The following ITPKC variants were observed in gnomAD, a reference collection of about 807,000 sequenced individuals.
ITPKC encodes the protein IP3 3-kinase C.
Under a neutral mutation model 67.1 loss-of-function variants are expected in ITPKC, and 33 were observed. The observed-to-expected ratio is 0.49, with a 90% CI of 0.37 to 0.66. ITPKC has a LOEUF of 0.66. ITPKC is among the 30% of genes least tolerant of loss of function. The pLI, the probability that ITPKC is intolerant of heterozygous loss-of-function variation, is 0.00. For missense variants in ITPKC, 820 were observed against 892.1 expected (o/e 0.92, Z 1.03); for synonymous variants, 341 against 359.8 (o/e 0.95, Z 0.59).
At position 40,739,625 on chromosome 19, in the gene ITPKC, A is replaced by G. The variant is rs1334041014; in HGVS notation, c.*65A>G. On this transcript the variant is annotated 3_prime_UTR_variant, in exon 7 of 7. Transcript: ENST00000263370. ...CTGGCTGGAGGAGCCCTGAGATGCC[A>G]TGGGAGGCCTGAGGTTGGCCACGGG... 42 of 1,469,314 alleles carry G rather than the reference A, an allele frequency of 2.9e-5. No individual in the cohort carries two copies. The Admixed American group carries it at 7.5e-4, about 26-fold the overall frequency. 91.0% of individuals were successfully genotyped at this position (1,469,314 alleles called of 1,614,324 possible).
chr19:40,720,721 C>T (rs1016860107), intron 1 of ITPKC, among the ~76,000 whole-genome samples: 1 of 152,084 alleles, frequency 6.6e-6, no homozygotes, highest in Non-Finnish European at 1.5e-5. Flanking sequence ...CTGACCCCCT[C>T]TGCTGTAACT....
intron 1 of ITPKC, among the ~76,000 whole-genome samples, chr19:40,720,183 T>C (rs1380151769): frequency 1.3e-5 from 2 of 151,620 alleles, no homozygotes; most frequent in Non-Finnish European, 2.9e-5. Context: ...CTGGCCAACA[T>C]GATGAAACCC....
At chr19:40,726,344 C>G (rs2082246596) in intron 2 of ITPKC, among the ~76,000 whole-genome samples, 1 of 152,162 alleles carries the variant, frequency 6.6e-6, no homozygotes, top group African/African-American at 2.4e-5. Context: ...TAAGTAGCAG[C>G]TGTAACATTT....
At chr19:40,729,452 C>A in intron 3 of ITPKC, 37 bp downstream of exon 3, 2 of 1,553,948 alleles carry the variant, frequency 1.3e-6, no homozygotes, top group Non-Finnish European at 1.8e-6. Context: ...GGATGGAGGG[C>A]AGGGGGTGGG....
At chr19:40,725,023 C>T (rs1028020088) in intron 1 of ITPKC, among the ~76,000 whole-genome samples, 3 of 150,704 alleles carry the variant, frequency 2.0e-5, no homozygotes. Context: ...TAAACCACAA[C>T]AAAACCTAGC....
Position 40,717,202 on chromosome 19 carries a change from C to G in ITPKC, c.67C>G (p.Arg23Gly). Residue 23 changes from arginine to glycine, a missense_variant, in exon 1 of 7, where the codon CGC becomes GGC. Physicochemically the swap from Arg to Gly is moderately radical, Grantham distance 125 (BLOSUM62 -2). Coordinates refer to ENST00000263370, the MANE Select transcript of ITPKC (RefSeq NM_025194.3). ...GGCCGGGGCGCTGCCCGCGGCGGCC[C>G]GCATGGGACTGGAGGCGCCGCGAGG... ...AEAGALPAAA[R>G]MGLEAPRGGR... 3 of 1,224,436 alleles carry G rather than the reference C, an allele frequency of 2.5e-6. No homozygotes were observed. Among genetic ancestry groups the G allele is most frequent in the East Asian group, 3.2e-5 (1 of 31,210 alleles). 75.8% of individuals were successfully genotyped at this position (1,224,436 alleles called of 1,614,324 possible).
In ITPKC at chr19:40,740,709, G is replaced by A; in HGVS notation, c.*1149G>A. The A allele has an allele frequency of 2.8e-6, 1 of 358,080 alleles. No individual in the cohort carries two copies. The highest frequency in any genetic ancestry group is 5.0e-6 in the Non-Finnish European group (1 of 199,862). The allele number at this position is 358,080 out of a possible 1,614,324, so 22.2% of individuals were successfully genotyped here. ...TCCCACACTGTCTTCCAGGGCTGAG[G>A]AGATGCTCTCCTTTTCTACTGACCA... On this transcript the variant is annotated 3_prime_UTR_variant, in exon 7 of 7. Coordinates refer to ENST00000263370, the MANE Select transcript of ITPKC (RefSeq NM_025194.3).
intron 5 of ITPKC, 124 bp from the exon 6 acceptor site, chr19:40,737,574 C>G: frequency 1.2e-6 from 1 of 806,376 alleles, no homozygotes. Context: ...CCCCATGGCT[C>G]CCCTATTCCA....
chr19:40,717,345 G>T lies in ITPKC; in HGVS notation c.210G>T (p.Glu70Asp), dbSNP rs754445191. 3.0e-5 allele frequency: 49 copies of T among 1,609,132 alleles called. No homozygotes were observed. Among genetic ancestry groups the T allele is most frequent in the Non-Finnish European group, 5.9e-6 (7 of 1,178,814 alleles). Residue 70 changes from glutamate (E) to aspartate (D), a missense_variant, in exon 1 of 7, where the codon GAG (glutamate) becomes GAT (aspartate). Transcript: ENST00000263370. ...ARTEGSSLHS[E>D]PERAGLGPAP... The stretch of plus-strand genomic sequence containing the variant: ...CAGAGGGGTCCAGCCTCCACAGCGA[G>T]CCTGAGAGGGCCGGCCTCGGGCCTG...
Position 40,719,942 on chromosome 19 carries a change from CT to C in ITPKC, c.1155+1664del, listed in dbSNP as rs960899182. Among the ~76,000 whole-genome samples, 1,161 of 143,300 alleles carry C rather than the reference CT, an allele frequency of 8.1e-3. 7 individuals are homozygous for C. The highest frequency in any genetic ancestry group is 8.9e-3 in the Non-Finnish European group (575 of 64,880). The allele number at this position is 143,300 out of a possible 152,430, so 94.0% of individuals were successfully genotyped here. ...CAGACACTGTTTTAAGTTTTTTCTT[CT>C]TTTTTTTTTTTAGTCTTTTTTGTCA... On this transcript the variant is annotated intron_variant, in intron 1 of 6. Coordinates refer to ENST00000263370, the MANE Select transcript of ITPKC (RefSeq NM_025194.3).
Position 40,733,324 on chromosome 19 carries a change from G to A in ITPKC, c.1634G>A (p.Ser545Asn). 1.2e-6 allele frequency: 2 copies of A among 1,613,444 alleles called. No homozygotes were observed. Among genetic ancestry groups the A allele is most frequent in the Non-Finnish European group, 1.7e-6 (2 of 1,179,718 alleles). Residue 545 changes from serine to asparagine, a missense_variant, in exon 4 of 7, where the codon AGC (serine) becomes AAC (asparagine). Coordinates refer to ENST00000263370, the MANE Select transcript of ITPKC (RefSeq NM_025194.3). ...PRYMQWRETM[S>N]STSTLGFRIE... Reference sequence around the variant, plus strand: ...TACATGCAGTGGAGGGAAACCATGAGCTCCACCTCTACCCTGGGCTTCCGG... The same window carrying A: ...TACATGCAGTGGAGGGAAACCATGAACTCCACCTCTACCCTGGGCTTCCGG...
Position 40,729,330 on chromosome 19 carries a change from C to T in ITPKC, c.1384C>T (p.Gln462Ter). The change falls in exon 3 of 7, where the codon CAG becomes TAG. Residue 462 changes from glutamine (Q) to a stop codon, truncating the protein, a stop_gained. Coordinates refer to ENST00000263370, the MANE Select transcript of ITPKC (RefSeq NM_025194.3). LOFTEE classifies it high-confidence loss of function. ...GCCTGCCTACTATGGCATGGTGCTGCAGGATGGCCAGACCTTCAACCAGAT... is the reference window on the plus strand; with the variant it reads ...GCCTGCCTACTATGGCATGGTGCTGTAGGATGGCCAGACCTTCAACCAGAT... ...FVPAYYGMVL[Q>*]DGQTFNQMED... The T allele has an allele frequency of 1.2e-6, 2 of 1,614,162 alleles. No homozygotes were observed. The highest frequency in any genetic ancestry group is 2.2e-5 in the East Asian group (1 of 44,876).
chr19:40,733,678 G>A (rs1313483315), intron 4 of ITPKC, among the ~76,000 whole-genome samples: 1 of 152,164 alleles, frequency 6.6e-6, no homozygotes, highest in Non-Finnish European at 1.5e-5. Context: ...CACAAGAGCT[G>A]GAGGGATCCC....
At chr19:40,723,791 C>T (rs1222964722) in intron 1 of ITPKC, among the ~76,000 whole-genome samples, 1 of 152,162 alleles carries the variant, frequency 6.6e-6, no homozygotes, top group Non-Finnish European at 1.5e-5. Flanking sequence ...GCCACCACAC[C>T]CGGCCTATTT....
chr19:40,718,396 C>CA, intron 1 of ITPKC, 106 bp downstream of exon 1: 1 of 1,392,878 alleles, frequency 7.2e-7, no homozygotes, highest in East Asian at 2.4e-5. Context: ...TGCCCACCAG[C>CA]AATTTCATCT....
chr19:40,733,310 G>A lies in ITPKC; in HGVS notation c.1620G>A (p.Trp540Ter). 6.2e-7 allele frequency: 1 copy of A among 1,613,894 alleles called. No individual in the cohort carries two copies. The highest frequency in any genetic ancestry group is 8.5e-7 in the Non-Finnish European group (1 of 1,179,904). The change falls in exon 4 of 7, where the codon TGG becomes TGA. Residue 540 changes from tryptophan (W) to a stop codon, truncating the protein, a stop_gained. Coordinates refer to ENST00000263370, the MANE Select transcript of ITPKC (RefSeq NM_025194.3). LOFTEE classifies it high-confidence loss of function. ...TCACCAAGCCCCGCTACATGCAGTGGAGGGAAACCATGAGCTCCACCTCTA... is the reference window on the plus strand; with the variant it reads ...TCACCAAGCCCCGCTACATGCAGTGAAGGGAAACCATGAGCTCCACCTCTA... ...GAVTKPRYMQ[W>*]RETMSSTSTL... is the part of the protein sequence containing the mutation.
At chr19:40,719,231 G>A (rs1056133033) in intron 1 of ITPKC, among the ~76,000 whole-genome samples, 1 of 152,280 alleles carries the variant, frequency 6.6e-6, no homozygotes, top group East Asian at 1.9e-4. Flanking sequence ...TGTGGCCCTA[G>A]CTGTGAGAGA....
intron 3 of ITPKC, 116 bp downstream of exon 3, chr19:40,729,531 C>T (rs1047273682): frequency 5.5e-5 from 48 of 869,086 alleles, no homozygotes; most frequent in East Asian, 4.9e-4. Flanking sequence ...TTTGGGAGGC[C>T]GAGGCTGGTG....
intron 4 of ITPKC, among the ~76,000 whole-genome samples, chr19:40,736,287 CAA>C (rs938945517): frequency 1.4e-5 from 2 of 139,624 alleles, no homozygotes; most frequent in African/African-American, 2.6e-5. Context: ...GAGACTCTGT[CAA>C]AAAAAAAAAG....
Sources: allele counts gnomAD v4.1 joint callset (sites outside exome capture counted in the v4.1 genomes callset), GRCh38; gene constraint gnomAD v4.1.1; transcripts MANE v1.5; gene names NCBI Gene and HGNC (gene_info 2026-07-23, HGNC 2026-07-21).